Variants in MTMR2 observed in about 807,000 individuals in gnomAD.
MTMR2 encodes the protein myotubularin related protein 2.
MTMR2 carries 55 observed loss-of-function variants against 86.9 expected under a neutral mutation model. The ratio of observed to expected loss-of-function variants is 0.63; its 90% CI spans 0.51 to 0.79. MTMR2 has a LOEUF of 0.79. MTMR2 is among the 30% of genes least tolerant of loss of function. MTMR2 has a pLI of 0.00. For synonymous variants in MTMR2, 241 were observed against 266.8 expected (o/e 0.90, Z 0.94); for missense variants, 659 against 772.3 (o/e 0.85, Z 1.74).
intron 1 of MTMR2, among the ~76,000 whole-genome samples, chr11:95,900,579 T>G (rs1428656376): frequency 2.6e-5 from 4 of 152,036 alleles, no homozygotes; most frequent in Admixed American, 2.0e-4. Flanking sequence ...CTTCCTTCAA[T>G]AAACTTACCT....
rs561260946 is a variant in MTMR2, at chr11:95,897,727, A to AAG, written c.81-9468_81-9467dup. On this transcript the variant is annotated intron_variant, in intron 1 of 14. Transcript: ENST00000346299. ...TTTCAAAATATATCCACAATAATTTAAGAGAGAGAGACCTCCTAACAATAC... is the reference window on the plus strand; with the variant it reads ...TTTCAAAATATATCCACAATAATTTAAGAGAGAGAGAGACCTCCTAACAATAC... Among the ~76,000 whole-genome samples the AAG allele has an allele frequency of 1.3e-3, 193 of 152,252 alleles. 3 individuals carry two copies. Among genetic ancestry groups the AAG allele is most frequent in the African/African-American group, 4.3e-3 (179 of 41,554 alleles).
At chr11:95,895,975 T>C (rs192864492) in intron 1 of MTMR2, among the ~76,000 whole-genome samples, 1 of 152,168 alleles carries the variant, frequency 6.6e-6, no homozygotes, top group East Asian at 1.9e-4. Flanking sequence ...AAGATAAAGA[T>C]CAATACCTTA....
At chr11:95,874,578 C>G in intron 2 of MTMR2, among the ~76,000 whole-genome samples, 1 of 152,160 alleles carries the variant, frequency 6.6e-6, no homozygotes. Flanking sequence ...TTAATTGGAG[C>G]ATTTAGCCTG....
At chr11:95,894,306 C>T (rs1170000419) in intron 1 of MTMR2, among the ~76,000 whole-genome samples, 1 of 152,188 alleles carries the variant, frequency 6.6e-6, no homozygotes, top group Non-Finnish European at 1.5e-5. Context: ...CCTCTCCCCA[C>T]ATAGTTATTA....
intron 2 of MTMR2, among the ~76,000 whole-genome samples, chr11:95,876,498 G>A (rs1865118272): frequency 6.6e-6 from 1 of 152,172 alleles, no homozygotes; most frequent in Non-Finnish European, 1.5e-5. Context: ...TCTATGAGAT[G>A]CATCAGAACC....
At chr11:95,897,868 G>A (rs1393335026) in intron 1 of MTMR2, among the ~76,000 whole-genome samples, 1 of 152,006 alleles carries the variant, frequency 6.6e-6, no homozygotes, top group Non-Finnish European at 1.5e-5. Flanking sequence ...GTTCAACAAG[G>A]TTACGTTTAC....
At chr11:95,923,419 A>G (rs560066090) in intron 1 of MTMR2, among the ~76,000 whole-genome samples, 1 of 152,318 alleles carries the variant, frequency 6.6e-6, no homozygotes, top group Admixed American at 6.5e-5. Context: ...AGCCATGAAA[A>G]GAGAGAAAAG....
intron 1 of MTMR2, among the ~76,000 whole-genome samples, chr11:95,888,815 G>A (rs1865609482): frequency 6.6e-6 from 1 of 152,056 alleles, no homozygotes; most frequent in Non-Finnish European, 1.5e-5. Flanking sequence ...GAAAGTTCAG[G>A]GAAGACTTCT....
chr11:95,910,127 GCACACA>G (rs71040121), intron 1 of MTMR2, among the ~76,000 whole-genome samples: 4 of 147,190 alleles, frequency 2.7e-5, no homozygotes, highest in African/African-American at 1.0e-4. Context: ...ACGCATGCAC[GCACACA>G]CACACACACA....
rs1565368414 is a variant in MTMR2 at position 95,877,331 on chromosome 11, C to CTTTTTTTTTT, written c.186+10824_186+10825insAAAAAAAAAA. 1.5e-3 allele frequency among the ~76,000 whole-genome samples: 142 copies of CTTTTTTTTTT among 94,702 alleles called. 27 individuals carry two copies. Among genetic ancestry groups the CTTTTTTTTTT allele is most frequent in the African/African-American group, 4.5e-3 (90 of 20,148 alleles). The allele number at this position is 94,702 out of a possible 152,430, so 62.1% of individuals were successfully genotyped here. On this transcript the variant is annotated intron_variant, in intron 2 of 14. Coordinates refer to ENST00000346299, the MANE Select transcript of MTMR2 (RefSeq NM_016156.6). Reference sequence around the variant, plus strand: ...CATTCAAGATCAAGCACAGGGAAGCCCTTTTTTTTTTTTTTTTTTTTTTTT... The same window carrying CTTTTTTTTTT: ...CATTCAAGATCAAGCACAGGGAAGCCTTTTTTTTTTCTTTTTTTTTTTTTTTTTTTTTTTT...
intron 1 of MTMR2, among the ~76,000 whole-genome samples, chr11:95,895,915 C>T (rs151112774): frequency 6.6e-6 from 1 of 151,994 alleles, no homozygotes; most frequent in Admixed American, 6.6e-5. Flanking sequence ...GTGGAAACAA[C>T]CCATGTCATT....
At chr11:95,860,757 T>G (rs532186044) in intron 5 of MTMR2, among the ~76,000 whole-genome samples, 2 of 152,286 alleles carry the variant, frequency 1.3e-5, no homozygotes, top group East Asian at 3.9e-4. Context: ...ATGGTAAAAA[T>G]GTAACAATCT....
intron 13 of MTMR2, among the ~76,000 whole-genome samples, chr11:95,837,164 A>G (rs939607230): frequency 1.3e-5 from 2 of 152,086 alleles, no homozygotes; most frequent in Non-Finnish European, 2.9e-5. Context: ...CACTGAAGAC[A>G]TAAGGTGAAT....
chr11:95,841,276 T>G lies in MTMR2; in HGVS notation c.1479+341A>C, dbSNP rs372510632. 2.0e-5 allele frequency among the ~76,000 whole-genome samples: 3 copies of G among 152,264 alleles called. No homozygotes were observed. The East Asian group carries it at 5.8e-4, about 29-fold the overall frequency. ...AACAGTTAAAGTTACTTAAAATATTTTATTTTGCTTGCGGTACCTAGCTTA... is the reference window on the plus strand; with the variant it reads ...AACAGTTAAAGTTACTTAAAATATTGTATTTTGCTTGCGGTACCTAGCTTA... On this transcript the variant is annotated intron_variant, in intron 12 of 14. Transcript: ENST00000346299.
At chr11:95,910,156 G>A (rs539025454) in intron 1 of MTMR2, among the ~76,000 whole-genome samples, 2 of 148,224 alleles carry the variant, frequency 1.3e-5, no homozygotes, top group Admixed American at 1.3e-4. Flanking sequence ...CACCCTACAT[G>A]ATTTTTTATA....
intron 2 of MTMR2, among the ~76,000 whole-genome samples, chr11:95,882,130 A>G (rs1407576283): frequency 6.6e-6 from 1 of 152,204 alleles, no homozygotes; most frequent in Non-Finnish European, 1.5e-5. Flanking sequence ...AAGCTCTATG[A>G]GACTCCTTAA....
At position 95,835,429 on chromosome 11, in the gene MTMR2, TTGTATC is replaced by T; in HGVS notation, c.1787_1792del (p.Arg596_Tyr597del). The T allele has an allele frequency of 6.2e-7, 1 of 1,612,852 alleles. No homozygotes were observed. The highest frequency in any genetic ancestry group is 8.5e-7 in the Non-Finnish European group (1 of 1,179,218). On this transcript the variant is annotated inframe_deletion, in exon 15 of 15. Coordinates refer to ENST00000346299, the MANE Select transcript of MTMR2 (RefSeq NM_016156.6). The stretch of plus-strand genomic sequence containing the variant: ...CTCTGCTCGTTTAGCAAGAAGTTCT[TTGTATC>T]TGTTGTGAATAGGTTCCTGCAAGAG...
At chr11:95,918,681 T>C (rs996486450) in intron 1 of MTMR2, among the ~76,000 whole-genome samples, 2 of 152,228 alleles carry the variant, frequency 1.3e-5, no homozygotes, top group South Asian at 2.1e-4. Context: ...CTGGTAGCTT[T>C]ACTCTGTTTT....
intron 14 of MTMR2, 73 bp downstream of exon 14, chr11:95,836,075 T>G: frequency 7.2e-7 from 1 of 1,397,598 alleles, no homozygotes; most frequent in Non-Finnish European, 1.0e-6. Flanking sequence ...AGATAATCTT[T>G]CCAGCTGCTT....
Sources: allele counts gnomAD v4.1 joint callset (sites outside exome capture counted in the v4.1 genomes callset), GRCh38; gene constraint gnomAD v4.1.1; transcripts MANE v1.5; gene names NCBI Gene and HGNC (gene_info 2026-07-23, HGNC 2026-07-21).